SGIP1: variants seen among roughly 807,000 people sequenced by gnomAD.
SGIP1 encodes the protein SH3GL interacting endocytic adaptor 1, also known as SH3-containing GRB2-like protein 3-interacting protein 1.
In SGIP1, 38 loss-of-function variants were observed where a neutral mutation model predicts 107.5. That is an observed-to-expected ratio of 0.35 (90% CI 0.27 to 0.46). The LOEUF (loss-of-function observed/expected upper bound fraction) is 0.46. SGIP1 is among the 20% of genes least tolerant of loss of function. SGIP1 has a pLI of 1.00. For synonymous variants in SGIP1, 365 were observed against 366.1 expected (o/e 1.00, Z 0.03); for missense variants, 929 against 1,019.5 (o/e 0.91, Z 1.21).
At chr1:66,601,757 G>A (rs113714767) in intron 1 of SGIP1, among the ~76,000 whole-genome samples, 1 of 152,252 alleles carries the variant, frequency 6.6e-6, no homozygotes, top group Non-Finnish European at 1.5e-5. Context: ...TATTCTTCCT[G>A]TATGTAAGGA....
intron 1 of SGIP1, among the ~76,000 whole-genome samples, chr1:66,572,350 A>G (rs549648375): frequency 6.6e-6 from 1 of 152,192 alleles, no homozygotes; most frequent in Admixed American, 6.6e-5. Context: ...ATTAAGATTT[A>G]ATGATTTTTA....
chr1:66,735,743 C>A (rs2094204928), intron 21 of SGIP1, among the ~76,000 whole-genome samples: 1 of 64,958 alleles, frequency 1.5e-5, no homozygotes, highest in Non-Finnish European at 3.3e-5. Flanking sequence ...TGGCGTGAAC[C>A]CGGGAGGCGG....
At chr1:66,680,013 C>A (rs1185072363) in intron 14 of SGIP1, among the ~76,000 whole-genome samples, 1 of 152,010 alleles carries the variant, frequency 6.6e-6, no homozygotes, top group South Asian at 2.1e-4. Context: ...TTTTGTAACA[C>A]GAAATGAAAA....
chr1:66,677,411 T>G (rs2085634514), intron 13 of SGIP1, among the ~76,000 whole-genome samples: 1 of 152,244 alleles, frequency 6.6e-6, no homozygotes, highest in Non-Finnish European at 1.5e-5. Context: ...AAGAAACTAC[T>G]GCATTCCAGG....
chr1:66,556,556 G>T (rs1366091373), intron 1 of SGIP1, among the ~76,000 whole-genome samples: 2 of 152,064 alleles, frequency 1.3e-5, no homozygotes, highest in African/African-American at 4.8e-5. Context: ...CTGGAGGAGG[G>T]CAGGCTGTGT....
intron 21 of SGIP1, 118 bp from the exon 22 acceptor site, chr1:66,739,217 C>T: frequency 9.2e-7 from 1 of 1,086,682 alleles, no homozygotes; most frequent in South Asian, 1.5e-5. Context: ...CAGCACGCTT[C>T]ACGGTGCCTC....
At chr1:66,723,658 C>G (rs1436653918) in intron 19 of SGIP1, among the ~76,000 whole-genome samples, 1 of 152,138 alleles carries the variant, frequency 6.6e-6, no homozygotes, top group East Asian at 1.9e-4. Context: ...GACCATTTGT[C>G]CAATTTGTCA....
intron 1 of SGIP1, among the ~76,000 whole-genome samples, chr1:66,574,878 G>T (rs2060851114): frequency 6.6e-6 from 1 of 152,160 alleles, no homozygotes. Flanking sequence ...AATTTATTTA[G>T]AGATTATGTC....
chr1:66,640,942 C>T (rs183772175), intron 5 of SGIP1, among the ~76,000 whole-genome samples: 5 of 151,984 alleles, frequency 3.3e-5, no homozygotes, highest in Admixed American at 1.3e-4. Context: ...GGCTGAGGCA[C>T]GAGAATTGCT....
intron 1 of SGIP1, among the ~76,000 whole-genome samples, chr1:66,621,067 A>G (rs2070953772): frequency 1.3e-5 from 2 of 152,192 alleles, no homozygotes; most frequent in Non-Finnish European, 2.9e-5. Flanking sequence ...TTAATATAAC[A>G]TTGTGATTTT....
intron 7 of SGIP1, among the ~76,000 whole-genome samples, chr1:66,656,129 T>G (rs953679746): frequency 2.6e-5 from 4 of 152,162 alleles, no homozygotes; most frequent in Admixed American, 2.6e-4. Flanking sequence ...CTTTTTAAAC[T>G]TTTTAGTTAA....
At chr1:66,617,928 C>T (rs1275125827) in intron 1 of SGIP1, among the ~76,000 whole-genome samples, 2 of 152,144 alleles carry the variant, frequency 1.3e-5, no homozygotes, top group African/African-American at 4.8e-5. Context: ...CACGAGGAGC[C>T]TGGACTCTGG....
At chr1:66,695,255 TAA>T (rs570067011) in intron 17 of SGIP1, 177 bp from the exon 18 acceptor site, 8,718 of 936,510 alleles carry the variant, frequency 9.3e-3, no homozygotes, top group South Asian at 0.01. Context: ...TTTCCTGAAC[TAA>T]AAAAAAAAAA....
intron 1 of SGIP1, among the ~76,000 whole-genome samples, chr1:66,598,058 A>T (rs934405131): frequency 2.0e-5 from 3 of 152,158 alleles, no homozygotes; most frequent in African/African-American, 7.2e-5. Flanking sequence ...ATATATTTTT[A>T]AAAAGGCATT....
chr1:66,742,547 G>T (rs1364388638), intron 24 of SGIP1, among the ~76,000 whole-genome samples: 1 of 132,228 alleles, frequency 7.6e-6, no homozygotes, highest in African/African-American at 2.9e-5. Flanking sequence ...CCGGCTCACT[G>T]CAAGCTCCGC....
intron 21 of SGIP1, among the ~76,000 whole-genome samples, 191 bp downstream of exon 21, chr1:66,734,071 A>T (rs2094130470): frequency 6.6e-6 from 1 of 152,206 alleles, no homozygotes; most frequent in Non-Finnish European, 1.5e-5. Context: ...ACATATTCTT[A>T]TTAGTTTAAG....
chr1:66,546,659 G>A (rs2056452874), intron 1 of SGIP1, among the ~76,000 whole-genome samples: 1 of 152,226 alleles, frequency 6.6e-6, no homozygotes, highest in African/African-American at 2.4e-5. Context: ...TTACCCTGAT[G>A]AGGTGGTGAG....
At chr1:66,676,905 A>G in intron 12 of SGIP1, 99 bp from the exon 13 acceptor site, 2 of 905,542 alleles carry the variant, frequency 2.2e-6, no homozygotes, top group Non-Finnish European at 3.4e-6. Context: ...ACAAGAGGAA[A>G]ATAATTTTGT....
At chr1:66,593,798 C>T (rs921215566) in intron 1 of SGIP1, among the ~76,000 whole-genome samples, 3 of 152,064 alleles carry the variant, frequency 2.0e-5, no homozygotes, top group Admixed American at 6.6e-5. Context: ...AACCCAGCTG[C>T]GGCCCATTTC....
Sources: allele counts gnomAD v4.1 joint callset (sites outside exome capture counted in the v4.1 genomes callset), GRCh38; gene constraint gnomAD v4.1.1; transcripts MANE v1.5; gene names NCBI Gene and HGNC (gene_info 2026-07-23, HGNC 2026-07-21).